PTCD3: variants seen among roughly 807,000 people sequenced by gnomAD.
PTCD3 encodes the protein small ribosomal subunit protein mS39.
PTCD3 carries 89 observed loss-of-function variants against 101.9 expected under a neutral mutation model. The observed-to-expected ratio is 0.87, with a 90% confidence interval of 0.74 to 1.04. PTCD3 has a LOEUF of 1.04. Ranked by LOEUF, PTCD3 falls within the 50% of genes least tolerant of loss-of-function variation. PTCD3 has a pLI of 0.00. For missense variants in PTCD3, 870 were observed against 828.2 expected, an observed-to-expected ratio of 1.05 and a Z score of -0.62; for synonymous variants, 296 against 278.5, an observed-to-expected ratio of 1.06 and a Z score of -0.63.
At chr2:86,135,868 A>G (rs1442532555) in intron 21 of PTCD3, 1 of 514,088 alleles carries the variant, frequency 1.9e-6, no homozygotes, top group Non-Finnish European at 3.9e-6. Flanking sequence ...ACTTGATACA[A>G]CCAGGCTGTG....
At chr2:86,128,104 A>C in intron 14 of PTCD3, 113 bp downstream of exon 14, 1 of 944,816 alleles carries the variant, frequency 1.1e-6, no homozygotes, top group South Asian at 1.4e-5. Flanking sequence ...AGAAGAGAGA[A>C]TTTGTAAATT....
chr2:86,130,585 G>T lies in PTCD3; in HGVS notation c.1148-63G>T. The T allele has an allele frequency of 3.2e-6, 5 of 1,572,060 alleles. No homozygotes were observed. The Admixed American group carries it at 5.3e-5, about 17-fold the overall frequency. On this transcript the variant is annotated intron_variant, in intron 14 of 23. Transcript: ENST00000254630. Reference sequence around the variant, plus strand: ...GGAGAAATGTGTCCCTTTGTATTAGGTACAGTGAGTTTGGTGGTGGTAAAG... The same window carrying T: ...GGAGAAATGTGTCCCTTTGTATTAGTTACAGTGAGTTTGGTGGTGGTAAAG...
intron 9 of PTCD3, 84 bp downstream of exon 9, chr2:86,123,846 T>C (rs1339640863): frequency 1.1e-6 from 1 of 900,058 alleles, no homozygotes; most frequent in African/African-American, 1.7e-5. Flanking sequence ...AGATGTTTTC[T>C]TGTGATGTTC....
In PTCD3 at chr2:86,130,299, CA is replaced by C. The variant is rs773381891; in HGVS notation, c.1148-336del. ...AGGGCAATAATGCAAGACTCCATCT[CA>C]AAAAAAAAAAAATTTTGTTTTTCTA... is the stretch of plus-strand genomic sequence containing the variant. On this transcript the variant is annotated intron_variant, in intron 14 of 23. Coordinates refer to ENST00000254630, the MANE Select transcript of PTCD3 (RefSeq NM_017952.6). Among the ~76,000 whole-genome samples, 77 of 143,550 alleles carry C rather than the reference CA, an allele frequency of 5.4e-4. 1 individual carries two copies. Among genetic ancestry groups the C allele is most frequent in the South Asian group, 3.3e-3 (15 of 4,574 alleles). The allele number at this position is 143,550 out of a possible 152,430, so 94.2% of individuals were successfully genotyped here. A position where few individuals can be genotyped will look rare whatever the true frequency, so the allele number is the denominator to read the frequency against.
chr2:86,134,811 C>A, intron 20 of PTCD3, 28 bp from the exon 21 acceptor site: 1 of 1,612,270 alleles, frequency 6.2e-7, no homozygotes, highest in Non-Finnish European at 8.5e-7. Flanking sequence ...ATCAGTTAGG[C>A]AGTTCTGCTG....
intron 9 of PTCD3, among the ~76,000 whole-genome samples, chr2:86,124,351 G>A (rs948837232): frequency 1.3e-5 from 2 of 152,216 alleles, no homozygotes; most frequent in Non-Finnish European, 2.9e-5. Context: ...TAGGCTGGAC[G>A]CAGTGCCTCA....
chr2:86,133,003 T>C, intron 17 of PTCD3, 175 bp from the exon 18 acceptor site: 1 of 982,296 alleles, frequency 1.0e-6, no homozygotes, highest in Middle Eastern at 3.3e-4. Flanking sequence ...GGTGTTTAAT[T>C]GAGAAGTCAG....
At position 86,141,594 on chromosome 2, in the gene PTCD3, A is replaced by G. The variant is rs1674686399; in HGVS notation, c.*4035A>G. The G allele has an allele frequency of 6.6e-6, 1 of 152,206 alleles. No homozygotes were observed. Among genetic ancestry groups the G allele is most frequent in the Non-Finnish European group, 1.5e-5 (1 of 68,038 alleles). The allele number at this position is 152,206 out of a possible 1,614,324, so 9.4% of individuals were successfully genotyped here. On this transcript the variant is annotated 3_prime_UTR_variant, in exon 24 of 24. Coordinates refer to ENST00000254630, the MANE Select transcript of PTCD3 (RefSeq NM_017952.6). ...CTAAAATTAGGTTTTAGTTTGTTAC[A>G]TTATTTTGAAATATTAAACATGAAA...
In PTCD3 at chr2:86,137,748, C is replaced by A; in HGVS notation, c.*189C>A. 2 of 721,772 alleles carry A rather than the reference C, an allele frequency of 2.8e-6. No individual in the cohort carries two copies. The highest frequency in any genetic ancestry group is 4.3e-6 in the Non-Finnish European group (2 of 459,900). The allele number at this position is 721,772 out of a possible 1,614,324, so 44.7% of individuals were successfully genotyped here. A position where few individuals can be genotyped will look rare whatever the true frequency, so the allele number is the denominator to read the frequency against. On this transcript the variant is annotated 3_prime_UTR_variant, in exon 24 of 24. Coordinates refer to ENST00000254630, the MANE Select transcript of PTCD3 (RefSeq NM_017952.6). ...TTTAAGCTGCTAATATGCTACTTAACCATCTATTAATGCACCATTAAAGGC... is the reference window on the plus strand; with the variant it reads ...TTTAAGCTGCTAATATGCTACTTAAACATCTATTAATGCACCATTAAAGGC...
intron 12 of PTCD3, among the ~76,000 whole-genome samples, chr2:86,126,710 G>C (rs1028405006): frequency 6.6e-6 from 1 of 151,768 alleles, no homozygotes; most frequent in African/African-American, 2.4e-5. Context: ...AGTGGTGCTC[G>C]CCTGTAGTCG....
At chr2:86,130,816 T>G in intron 15 of PTCD3, 79 bp downstream of exon 15, 1 of 1,564,912 alleles carries the variant, frequency 6.4e-7, no homozygotes, top group Middle Eastern at 1.8e-4. Context: ...AGAGGCCTTG[T>G]GATCCCTATA....
At position 86,130,688 on chromosome 2, in the gene PTCD3, A is replaced by G; in HGVS notation, c.1188A>G (p.Ile396Met). 6.2e-7 allele frequency: 1 copy of G among 1,613,830 alleles called. No individual in the cohort carries two copies. The part of the protein sequence containing the change: ...LKRSSFIIYD[I>M]MNELMGKRFS... ...GATCATCCTTCATCATTTATGATAT[A>G]ATGAATGAATTAATGGGAAAGAGAT... The change falls in exon 15 of 24, where the codon ATA becomes ATG. Residue 396 changes from isoleucine to methionine, a missense_variant. Coordinates refer to ENST00000254630, the MANE Select transcript of PTCD3 (RefSeq NM_017952.6).
At chr2:86,108,825 CATT>C (rs1441135314) in intron 3 of PTCD3, 2 of 301,778 alleles carry the variant, frequency 6.6e-6, no homozygotes, top group Admixed American at 9.9e-5. Flanking sequence ...TGAACATCAT[CATT>C]AGAATAATTT....
chr2:86,115,739 C>T (rs1378032721), intron 4 of PTCD3, among the ~76,000 whole-genome samples: 5 of 152,096 alleles, frequency 3.3e-5, no homozygotes, highest in Non-Finnish European at 7.4e-5. Context: ...CTCAGTGGGG[C>T]CCCTGGTGGT....
At chr2:86,124,862 C>T in intron 9 of PTCD3, 133 bp from the exon 10 acceptor site, 4 of 1,259,412 alleles carry the variant, frequency 3.2e-6, no homozygotes, top group South Asian at 1.7e-5. Context: ...ACCATAATAC[C>T]CTGTAAGAAT....
At position 86,134,365 on chromosome 2, in the gene PTCD3, G is replaced by A; in HGVS notation, c.1617G>A (p.Lys539=). The A allele has an allele frequency of 6.2e-7, 1 of 1,612,038 alleles. No homozygotes were observed. The highest frequency in any genetic ancestry group is 8.5e-7 in the Non-Finnish European group (1 of 1,178,146). ...TCCTGATGCTCATGGCAAGGGACAAGCACCCACCAGAGGTAGGCCTGAAAC... is the reference window on the plus strand; with the variant it reads ...TCCTGATGCTCATGGCAAGGGACAAACACCCACCAGAGGTAGGCCTGAAAC... ...EEILMLMARD[K]HPPELQVAFA... is the part of the protein sequence containing the mutation. Residue 539 remains lysine, a synonymous_variant, in exon 20 of 24, where the codon AAG becomes AAA. Coordinates refer to ENST00000254630, the MANE Select transcript of PTCD3 (RefSeq NM_017952.6).
chr2:86,136,758 A>C, intron 22 of PTCD3, 196 bp downstream of exon 22: 1 of 802,990 alleles, frequency 1.2e-6, no homozygotes, highest in Non-Finnish European at 2.0e-6. Context: ...TTGGGGCTAC[A>C]TTGAATAGAT....
intron 1 of PTCD3, among the ~76,000 whole-genome samples, chr2:86,106,593 AGCTAGGACCCT>A (rs1260120282): frequency 1.3e-5 from 2 of 152,230 alleles, no homozygotes; most frequent in Non-Finnish European, 2.9e-5. Context: ...CCATCCGCAA[AGCTAGGACCCT>A]GCTCTCATGA....
intron 17 of PTCD3, 98 bp downstream of exon 17, chr2:86,132,522 A>G: frequency 1.3e-6 from 1 of 793,260 alleles, no homozygotes; most frequent in Non-Finnish European, 2.1e-6. Flanking sequence ...GGTTTCAGGC[A>G]ACATGCCAAT....
Sources: gnomAD v4.1 joint callset for allele counts (sites outside exome capture counted in the v4.1 genomes callset) on GRCh38, gnomAD v4.1.1 for gene constraint, MANE v1.5 for transcripts, NCBI Gene and HGNC (gene_info 2026-07-23, HGNC 2026-07-21) for gene names.